TBXAS1: variants seen among roughly 807,000 people sequenced by gnomAD.
TBXAS1 encodes thromboxane-A synthase.
TBXAS1 carries 48 observed loss-of-function variants against 60.7 expected under a neutral mutation model. That is an observed-to-expected ratio of 0.79 (90% CI 0.63 to 1.01). TBXAS1 has a LOEUF of 1.01. TBXAS1 is among the 50% of genes least tolerant of loss of function. The probability of loss-of-function intolerance (pLI) is 0.00; values close to 1 mark genes in which losing one functional copy is unlikely to be tolerated. For synonymous variants in TBXAS1, 287 were observed against 269.7 expected, an observed-to-expected ratio of 1.06 and a Z score of -0.63; for missense variants, 685 against 686.3, an observed-to-expected ratio of 1.00 and a Z score of 0.02.
intron 4 of TBXAS1, among the ~76,000 whole-genome samples, chr7:139,794,532 A>G (rs973421682): frequency 1.8e-4 from 26 of 147,342 alleles, no homozygotes; most frequent in Admixed American, 6.7e-5. Context: ...TTTTTATTAT[A>G]CTTTAAGTTT....
At chr7:140,009,604 ACCTGCC>A (rs1814383654) in intron 10 of TBXAS1, among the ~76,000 whole-genome samples, 1 of 33,904 alleles carries the variant, frequency 2.9e-5, no homozygotes, top group African/African-American at 1.2e-4. Context: ...CCCACCCCAC[ACCTGCC>A]CCACACCCGC....
In TBXAS1 at chr7:139,793,392, C is replaced by T. The variant is rs145246434; in HGVS notation, c.-80+5966C>T. 3.7e-3 allele frequency among the ~76,000 whole-genome samples: 560 copies of T among 152,094 alleles called. 5 individuals carry two copies. Among genetic ancestry groups the T allele is most frequent in the African/African-American group, 0.013 (532 of 41,480 alleles). On this transcript the variant is annotated intron_variant, in intron 4 of 16. Coordinates refer to the TBXAS1 transcript ENST00000336425. ...CCAAGATCCACCACTGCACTCCAGCCTGGATGACAGAGCGAGAATCCATTA... is the reference window on the plus strand; with the variant it reads ...CCAAGATCCACCACTGCACTCCAGCTTGGATGACAGAGCGAGAATCCATTA...
At chr7:139,912,740 A>T (rs1805633483) in intron 4 of TBXAS1, among the ~76,000 whole-genome samples, 1 of 152,150 alleles carries the variant, frequency 6.6e-6, no homozygotes, top group Non-Finnish European at 1.5e-5. Context: ...GTCTTAAAGA[A>T]ATTAGAGAAA....
intron 9 of TBXAS1, among the ~76,000 whole-genome samples, chr7:139,988,296 G>A (rs1197527922): frequency 6.6e-6 from 1 of 152,236 alleles, no homozygotes; most frequent in Non-Finnish European, 1.5e-5. Context: ...CCAAGCACGT[G>A]GCTCCAGCTT....
At chr7:139,877,282 T>C (rs1802313503) in intron 3 of TBXAS1, among the ~76,000 whole-genome samples, 1 of 152,226 alleles carries the variant, frequency 6.6e-6, no homozygotes, top group African/African-American at 2.4e-5. Context: ...CTTCACTTAC[T>C]TTTTCATTTT....
At chr7:139,952,377 C>T (rs1428701546) in intron 5 of TBXAS1, among the ~76,000 whole-genome samples, 1 of 152,178 alleles carries the variant, frequency 6.6e-6, no homozygotes, top group Non-Finnish European at 1.5e-5. Flanking sequence ...ACTAAGATCT[C>T]TCTGACCTCG....
intron 5 of TBXAS1, among the ~76,000 whole-genome samples, chr7:139,949,952 A>G (rs1260846952): frequency 6.6e-6 from 1 of 152,126 alleles, no homozygotes; most frequent in Non-Finnish European, 1.5e-5. Context: ...CTACAGACCA[A>G]TGAACTGAAG....
rs201485922 is a variant in TBXAS1 at position 139,961,923 on chromosome 7, G to A, written c.824G>A (p.Arg275Gln). ...LRDQQAAEER[R>Q]RDFLQMVLDA... ...TTTTCTCCTTTTGTTCCTTAGAGGC[G>A]GAGAGACTTCCTCCAAATGGTCCTG... Residue 275 changes from arginine to glutamine, a missense_variant, in exon 9 of 13, where the codon CGG becomes CAG. Coordinates refer to ENST00000448866, the MANE Select transcript of TBXAS1 (RefSeq NM_001061.7). 1.7e-5 allele frequency: 28 copies of A among 1,614,092 alleles called. No homozygotes were observed. Among genetic ancestry groups the A allele is most frequent in the Middle Eastern group, 1.6e-4 (1 of 6,084 alleles).
At chr7:139,952,755 C>T in intron 5 of TBXAS1, 1 of 1,440,286 alleles carries the variant, frequency 6.9e-7, no homozygotes, top group Non-Finnish European at 9.1e-7. Context: ...ACAATTGCCC[C>T]ATGTGGGCAT....
chr7:139,951,838 AGAAAGAAGGAAGGAAGGAAGGAAAGAAG>A (rs1569518324), intron 5 of TBXAS1, among the ~76,000 whole-genome samples: 603 of 26,896 alleles, frequency 0.022, 69 homozygotes, highest in Admixed American at 0.2. Flanking sequence ...GAGGAAAGAA[AGAAAGAAGGAAGGAAGGAAGGAAAGAAG>A]GAAGGAAGGA....
At position 139,984,641 on chromosome 7, in the gene TBXAS1, A is replaced by G. The variant is rs1036600631; in HGVS notation, c.1134+22408A>G. ...GAGAGAGAGAGAGAGAGAGAGAGAG[A>G]GAAAGAAAGAAAGGGAAGGGGGAAA... On this transcript the variant is annotated intron_variant, in intron 9 of 12. Transcript: ENST00000448866. Among the ~76,000 whole-genome samples, 66 of 84,110 alleles carry G rather than the reference A, an allele frequency of 7.8e-4. 3 individuals carry two copies. Among genetic ancestry groups the G allele is most frequent in the African/African-American group, 3.5e-3 (66 of 18,986 alleles). 55.2% of individuals were successfully genotyped at this position (84,110 alleles called of 152,430 possible). A position where few individuals can be genotyped will look rare whatever the true frequency, so the allele number is the denominator to read the frequency against.
chr7:139,865,646 A>T (rs1584713217), intron 1 of TBXAS1, among the ~76,000 whole-genome samples: 2 of 123,204 alleles, frequency 1.6e-5, no homozygotes, highest in Admixed American at 8.6e-5. Flanking sequence ...GAGGAGGAGG[A>T]GGAAGAGGAG....
intron 3 of TBXAS1, chr7:139,782,766 C>T (rs1261330458): frequency 6.6e-6 from 1 of 152,158 alleles, no homozygotes; most frequent in East Asian, 1.9e-4. Flanking sequence ...TTTGATATCA[C>T]ACCTCTCTTT....
At chr7:139,973,252 T>C (rs1811336852) in intron 9 of TBXAS1, among the ~76,000 whole-genome samples, 1 of 152,124 alleles carries the variant, frequency 6.6e-6, no homozygotes, top group African/African-American at 2.4e-5. Context: ...ACAAGAAACT[T>C]ACTACCTATG....
rs1249929281 is a variant in TBXAS1 at position 140,013,903 on chromosome 7, T to G, written c.1227-1820T>G. ...CTGCCCATCTTCCTGGCTTCTGATC[T>G]GCTGCCGTCCCCGATTCATGGCCTC... On this transcript the variant is annotated intron_variant, in intron 10 of 12. Transcript: ENST00000448866. This position sits in a 1 kb window ranked among gnomAD's most constrained non-coding sequence, Gnocchi z 4.2. Among the ~76,000 whole-genome samples the G allele has an allele frequency of 6.6e-6, 1 of 152,244 alleles. No homozygotes were observed. Among genetic ancestry groups the G allele is most frequent in the African/African-American group, 2.4e-5 (1 of 41,464 alleles).
chr7:139,924,744 T>C (rs996058723), intron 4 of TBXAS1, among the ~76,000 whole-genome samples: 3 of 152,362 alleles, frequency 2.0e-5, no homozygotes, highest in Admixed American at 1.3e-4. Context: ...TTCAATGTCC[T>C]AGATATTTTC....
At chr7:139,848,513 A>G (rs1799980751) in intron 1 of TBXAS1, among the ~76,000 whole-genome samples, 1 of 152,036 alleles carries the variant, frequency 6.6e-6, no homozygotes, top group Non-Finnish European at 1.5e-5. Context: ...GACAATGTTT[A>G]TTTTTCTCAT....
At chr7:139,906,765 C>A (rs532151748) in intron 3 of TBXAS1, among the ~76,000 whole-genome samples, 59 of 152,230 alleles carry the variant, frequency 3.9e-4, no homozygotes, top group African/African-American at 1.3e-3. Flanking sequence ...TGATATGTTT[C>A]TCCACTTAGT....
chr7:139,814,285 C>T (rs1444802077), intron 4 of TBXAS1, among the ~76,000 whole-genome samples: 3 of 152,182 alleles, frequency 2.0e-5, no homozygotes, highest in Admixed American at 6.5e-5. Context: ...CTCACCCTCT[C>T]ACTCAGTTTT....
Sources: allele counts gnomAD v4.1 joint callset (sites outside exome capture counted in the v4.1 genomes callset), GRCh38; gene constraint gnomAD v4.1.1; non-coding constraint Gnocchi (gnomAD v3.1); transcripts MANE v1.5; gene names NCBI Gene and HGNC (gene_info 2026-07-23, HGNC 2026-07-21).